The following UMAD1 variants were observed in gnomAD, a reference collection of about 807,000 sequenced individuals.
UMAD1 encodes the protein UBAP1-MVB12-associated (UMA) domain containing 1.
In UMAD1, 8 loss-of-function variants were observed where a neutral mutation model predicts 6.1. The observed-to-expected ratio is 1.30, with a 90% CI of 0.76 to 2.35. The LOEUF (loss-of-function observed/expected upper bound fraction) is 2.35. Among genes scored for constraint, UMAD1 ranks in the 30% most tolerant of loss-of-function variants. The pLI is 0.00. For synonymous variants in UMAD1, 56 were observed against 31.4 expected (o/e 1.78, Z -2.61); for missense variants, 130 against 78.4 (o/e 1.66, Z -2.49).
chr7:7,848,452 G>T (rs1167265913), intron 3 of UMAD1, among the ~76,000 whole-genome samples: 1 of 152,100 alleles, frequency 6.6e-6, no homozygotes, highest in East Asian at 1.9e-4. Context: ...TGTCTAAAGT[G>T]TTCACAGTTT....
intron 1 of UMAD1, among the ~76,000 whole-genome samples, chr7:7,645,349 T>A (rs938437792): frequency 6.6e-6 from 1 of 152,194 alleles, no homozygotes; most frequent in Non-Finnish European, 1.5e-5. Context: ...GTGAAAGAAG[T>A]CCACAGCTGT....
intron 2 of UMAD1, among the ~76,000 whole-genome samples, chr7:7,732,005 C>T (rs1781268973): frequency 6.6e-6 from 1 of 151,986 alleles, no homozygotes; most frequent in Admixed American, 6.6e-5. Flanking sequence ...TGAAAAATAT[C>T]TGAGATAAAT....
At chr7:7,733,560 G>A (rs1781295609) in intron 2 of UMAD1, among the ~76,000 whole-genome samples, 1 of 147,638 alleles carries the variant, frequency 6.8e-6, no homozygotes, top group Admixed American at 6.9e-5. Flanking sequence ...GAAAACATTA[G>A]CAATATATGG....
intron 3 of UMAD1, among the ~76,000 whole-genome samples, chr7:7,873,201 A>G (rs186123232): frequency 2.4e-4 from 36 of 152,344 alleles, no homozygotes; most frequent in Non-Finnish European, 5.0e-4. Context: ...CCATTTGCTT[A>G]TTAATAAACA....
intron 2 of UMAD1, among the ~76,000 whole-genome samples, chr7:7,683,062 G>A (rs1221843837): frequency 6.6e-6 from 1 of 152,198 alleles, no homozygotes; most frequent in African/African-American, 2.4e-5. Flanking sequence ...TGAATGTACA[G>A]TGAAAGGCAA....
chr7:7,673,398 G>C lies in UMAD1; in HGVS notation c.27G>C (p.Pro9=). The change falls in exon 2 of 4, where the codon CCG becomes CCC. Residue 9 remains proline, a synonymous_variant. Coordinates refer to ENST00000682710, the MANE Select transcript of UMAD1 (RefSeq NM_001302348.2). ...TGTTTCACTTCTTCAGAAAGCCTCC[G>C]GAATCTAAAAAGCCCTCAGTACCAG... The part of the protein sequence containing the change: MFHFFRKP[P]ESKKPSVPET... 1.7e-6 allele frequency: 2 copies of C among 1,173,558 alleles called. No individual in the cohort carries two copies. Among genetic ancestry groups the C allele is most frequent in the Non-Finnish European group, 1.2e-6 (1 of 813,766 alleles). 72.7% of individuals were successfully genotyped at this position (1,173,558 alleles called of 1,614,324 possible). A position where few individuals can be genotyped will look rare whatever the true frequency, so the allele number is the denominator to read the frequency against.
chr7:7,641,866 C>A (rs377217084), intron 1 of UMAD1, among the ~76,000 whole-genome samples: 2 of 152,132 alleles, frequency 1.3e-5, no homozygotes, highest in African/African-American at 4.8e-5. Flanking sequence ...ATTGGAATCT[C>A]ATGTACGATA....
At chr7:7,853,038 G>A (rs1364028146) in intron 3 of UMAD1, among the ~76,000 whole-genome samples, 3 of 152,182 alleles carry the variant, frequency 2.0e-5, no homozygotes, top group African/African-American at 7.2e-5. Flanking sequence ...GAGAAGGTCA[G>A]AAAGAGAGAG....
intron 2 of UMAD1, among the ~76,000 whole-genome samples, chr7:7,747,338 T>C (rs1050627089): frequency 3.9e-5 from 6 of 152,226 alleles, no homozygotes; most frequent in Non-Finnish European, 7.3e-5. Flanking sequence ...TAACACTTGC[T>C]ATATCATAGA....
At chr7:7,770,534 G>T (rs1206344819) in intron 2 of UMAD1, among the ~76,000 whole-genome samples, 8 of 152,174 alleles carry the variant, frequency 5.3e-5, no homozygotes, top group Non-Finnish European at 1.0e-4. Flanking sequence ...GTTGAGGGGT[G>T]AGTCAGGGAA....
intron 2 of UMAD1, among the ~76,000 whole-genome samples, chr7:7,745,823 C>T (rs1260775525): frequency 6.6e-6 from 1 of 152,166 alleles, no homozygotes; most frequent in Non-Finnish European, 1.5e-5. Context: ...GAGCTCTTTG[C>T]TCAGTCTCTC....
intron 3 of UMAD1, chr7:7,868,248 C>G (rs982411157): frequency 5.9e-5 from 9 of 151,986 alleles, no homozygotes; most frequent in African/African-American, 1.9e-4. Flanking sequence ...TAAATAGGAT[C>G]CTGCATTTAA....
At chr7:7,688,609 G>C (rs1340060074) in intron 2 of UMAD1, among the ~76,000 whole-genome samples, 1 of 152,034 alleles carries the variant, frequency 6.6e-6, no homozygotes, top group Non-Finnish European at 1.5e-5. Flanking sequence ...CTCTCTTTTT[G>C]ATCTCATGTT....
chr7:7,766,284 C>G (rs1781984273), intron 2 of UMAD1, among the ~76,000 whole-genome samples: 1 of 152,130 alleles, frequency 6.6e-6, no homozygotes, highest in Non-Finnish European at 1.5e-5. Flanking sequence ...CAATGACATG[C>G]TATTTATTAC....
At chr7:7,668,682 T>C (rs1779530378) in intron 1 of UMAD1, among the ~76,000 whole-genome samples, 1 of 152,188 alleles carries the variant, frequency 6.6e-6, no homozygotes, top group African/African-American at 2.4e-5. Context: ...CCTAAAAACA[T>C]CACCAACTTC....
At chr7:7,771,667 T>C (rs761446811) in intron 2 of UMAD1, among the ~76,000 whole-genome samples, 23 of 152,228 alleles carry the variant, frequency 1.5e-4, no homozygotes, top group Non-Finnish European at 3.2e-4. Context: ...CTTATGTTTC[T>C]ACAAACAATC....
In UMAD1 at chr7:7,830,963, A is replaced by G. The variant is rs879931078; in HGVS notation, c.156+29220A>G. Reference sequence around the variant, plus strand: ...AATATTTTTTAATTATAAAAAATATACCAGTCCTTAAAATATGTATTTTAT... The same window carrying G: ...AATATTTTTTAATTATAAAAAATATGCCAGTCCTTAAAATATGTATTTTAT... On this transcript the variant is annotated intron_variant, in intron 3 of 3. Coordinates refer to ENST00000682710, the MANE Select transcript of UMAD1 (RefSeq NM_001302348.2). This position sits in a 1 kb window ranked among gnomAD's most constrained non-coding sequence, Gnocchi z 5.3. 2.9e-4 allele frequency among the ~76,000 whole-genome samples: 44 copies of G among 152,180 alleles called. No homozygotes were observed. The highest frequency in any genetic ancestry group is 4.1e-4 in the Non-Finnish European group (28 of 68,024).
intron 2 of UMAD1, among the ~76,000 whole-genome samples, chr7:7,767,794 G>A (rs908829944): frequency 1.8e-4 from 28 of 152,174 alleles, no homozygotes; most frequent in African/African-American, 5.6e-4. Flanking sequence ...CAACTTGCCC[G>A]AGGTTACAAA....
intron 2 of UMAD1, among the ~76,000 whole-genome samples, chr7:7,795,920 G>A (rs933513448): frequency 2.6e-5 from 4 of 152,122 alleles, no homozygotes; most frequent in African/African-American, 7.2e-5. Flanking sequence ...ATCCCATCCT[G>A]TGACTAAGAA....
Sources: allele counts gnomAD v4.1 joint callset (sites outside exome capture counted in the v4.1 genomes callset), GRCh38; gene constraint gnomAD v4.1.1; non-coding constraint Gnocchi (gnomAD v3.1); transcripts MANE v1.5; gene names NCBI Gene and HGNC (gene_info 2026-07-23, HGNC 2026-07-21).